Variants in TPH2 observed in about 807,000 individuals in gnomAD.
The protein encoded by TPH2 is tryptophan 5-hydroxylase 2.
Under a neutral mutation model 59.1 loss-of-function variants are expected in TPH2, and 27 were observed. That is an observed-to-expected ratio of 0.46 (90% CI 0.34 to 0.63). TPH2 has a LOEUF of 0.63. Ranked by LOEUF, TPH2 falls within the 30% of genes least tolerant of loss-of-function variation. The probability of loss-of-function intolerance (pLI) is 0.01; values close to 1 mark genes in which losing one functional copy is unlikely to be tolerated. For missense variants in TPH2, 523 were observed against 588.3 expected, an observed-to-expected ratio of 0.89 and a Z score of 1.15; for synonymous variants, 220 against 210.5, an observed-to-expected ratio of 1.05 and a Z score of -0.39.
At chr12:71,980,954 T>A (rs1872259114) in intron 7 of TPH2, among the ~76,000 whole-genome samples, 4 of 152,204 alleles carry the variant, frequency 2.6e-5, no homozygotes. Flanking sequence ...TTTAAAGCAG[T>A]TCACATTCTG....
At chr12:72,022,377 A>G (rs755676607) in intron 8 of TPH2, 22 bp from the exon 9 acceptor site, 91 of 1,587,918 alleles carry the variant, frequency 5.7e-5, no homozygotes, top group Non-Finnish European at 7.4e-5. Context: ...AGTTCACTGA[A>G]TATGTGTTCG....
chr12:72,003,904 A>G (rs532962958), intron 8 of TPH2, among the ~76,000 whole-genome samples: 2 of 152,248 alleles, frequency 1.3e-5, no homozygotes, highest in Non-Finnish European at 2.9e-5. Flanking sequence ...ATAATTGCAG[A>G]TGAGAAACAA....
chr12:71,958,798 A>AT (rs903934505), intron 5 of TPH2, among the ~76,000 whole-genome samples: 1 of 152,152 alleles, frequency 6.6e-6, no homozygotes, highest in Non-Finnish European at 1.5e-5. Flanking sequence ...CTATTTCTTG[A>AT]TTTTTTTATT....
chr12:71,978,835 T>A (rs1872191513), intron 6 of TPH2, 117 bp from the exon 7 acceptor site: 1 of 1,327,946 alleles, frequency 7.5e-7, no homozygotes, highest in Non-Finnish European at 1.1e-6. Flanking sequence ...TGTCAAGAGG[T>A]TTATGACCTT....
At chr12:71,987,732 AT>A (rs1226672931) in intron 7 of TPH2, among the ~76,000 whole-genome samples, 2 of 152,088 alleles carry the variant, frequency 1.3e-5, no homozygotes, top group Non-Finnish European at 2.9e-5. Context: ...GGTGCCTGTA[AT>A]CCCAGCTACT....
Position 72,003,870 on chromosome 12 carries a change from C to T in TPH2, c.1068+9305C>T, listed in dbSNP as rs114042494. On this transcript the variant is annotated intron_variant, in intron 8 of 10. Transcript: ENST00000333850. ...TTTCTTTGTTATTTAGAACTGTATG[C>T]TAGGGCTCTCAGAGAGCCATCATAT... Among the ~76,000 whole-genome samples, 594 of 152,260 alleles carry T rather than the reference C, an allele frequency of 3.9e-3. 6 individuals are homozygous for T. Among genetic ancestry groups the T allele is most frequent in the African/African-American group, 0.014 (568 of 41,552 alleles).
intron 9 of TPH2, among the ~76,000 whole-genome samples, chr12:72,025,726 G>A (rs1185895169): frequency 1.3e-5 from 2 of 152,076 alleles, no homozygotes; most frequent in Non-Finnish European, 2.9e-5. Context: ...CATAACTGTG[G>A]AGAACAATTA....
chr12:71,961,035 T>C (rs1293888293), intron 5 of TPH2, among the ~76,000 whole-genome samples: 3 of 152,186 alleles, frequency 2.0e-5, no homozygotes, highest in Non-Finnish European at 2.9e-5. Flanking sequence ...ATCCTCACGA[T>C]GTGAGAAGTC....
intron 2 of TPH2, among the ~76,000 whole-genome samples, chr12:71,942,407 T>A (rs891143614): frequency 3.9e-5 from 6 of 152,160 alleles, no homozygotes; most frequent in African/African-American, 1.4e-4. Context: ...TCTGTACCCA[T>A]CAGCAAACAC....
At chr12:72,011,615 C>T (rs1434442197) in intron 8 of TPH2, among the ~76,000 whole-genome samples, 4 of 152,228 alleles carry the variant, frequency 2.6e-5, no homozygotes, top group African/African-American at 7.2e-5. Flanking sequence ...CAGTTGGCTA[C>T]AACCTTCAAA....
At chr12:72,017,384 C>T (rs1455423323) in intron 8 of TPH2, among the ~76,000 whole-genome samples, 1 of 152,142 alleles carries the variant, frequency 6.6e-6, no homozygotes, top group Non-Finnish European at 1.5e-5. Flanking sequence ...ATGTAAATGC[C>T]TCTGCTATTC....
At chr12:71,974,244 T>G (rs567795060) in intron 6 of TPH2, among the ~76,000 whole-genome samples, 1 of 152,222 alleles carries the variant, frequency 6.6e-6, no homozygotes, top group East Asian at 1.9e-4. Flanking sequence ...CCATACTCAG[T>G]CCTTCTTTGT....
chr12:72,025,687 G>A (rs1037455008), intron 9 of TPH2, among the ~76,000 whole-genome samples: 2 of 152,164 alleles, frequency 1.3e-5, no homozygotes, highest in South Asian at 2.1e-4. Flanking sequence ...GCCAAAAAGT[G>A]CATTTGGGTG....
At chr12:71,939,921 G>GAATC (rs1286202716) in intron 1 of TPH2, among the ~76,000 whole-genome samples, 1 of 152,130 alleles carries the variant, frequency 6.6e-6, no homozygotes, top group East Asian at 1.9e-4. Flanking sequence ...CTGTATCATA[G>GAATC]AATCATCTGT....
intron 5 of TPH2, chr12:71,962,045 G>T: frequency 9.7e-7 from 1 of 1,026,378 alleles, no homozygotes; most frequent in Non-Finnish European, 1.2e-6. Context: ...GATCGCAAAT[G>T]CTCTTTACCT....
In TPH2 at chr12:71,938,847, A is replaced by G. The variant is rs1395878095; in HGVS notation, c.-140A>G. 11 of 737,936 alleles carry G rather than the reference A, an allele frequency of 1.5e-5. No homozygotes were observed. The highest frequency in any genetic ancestry group is 2.4e-5 in the Non-Finnish European group (10 of 410,684). 45.7% of individuals were successfully genotyped at this position (737,936 alleles called of 1,614,324 possible). On this transcript the variant is annotated 5_prime_UTR_variant, in exon 1 of 11. Coordinates refer to ENST00000333850, the MANE Select transcript of TPH2 (RefSeq NM_173353.4). ...GGAGCCCGGGGATGGGAGGATTCGC[A>G]TTGCTCTTCAGCACCAGGGTTCTGG...
chr12:72,030,868 T>C (rs1566176804), intron 9 of TPH2, among the ~76,000 whole-genome samples: 1 of 152,178 alleles, frequency 6.6e-6, no homozygotes, highest in Non-Finnish European at 1.5e-5. Flanking sequence ...GAAATTTTAG[T>C]ACATTGCTTA....
chr12:71,980,938 A>AT (rs879851075), intron 7 of TPH2, among the ~76,000 whole-genome samples: 3 of 151,856 alleles, frequency 2.0e-5, no homozygotes, highest in East Asian at 1.9e-4. Context: ...TTTAAAAAAA[A>AT]TTTTTTTTAA....
At chr12:71,969,994 AGTAAGCTCTCAAATAT>A (rs1871927662) in intron 5 of TPH2, among the ~76,000 whole-genome samples, 1 of 152,262 alleles carries the variant, frequency 6.6e-6, no homozygotes, top group Non-Finnish European at 1.5e-5. Flanking sequence ...CCTGGCACAT[AGTAAGCTCTCAAATAT>A]CAGCTGTTAC....
Sources: gnomAD v4.1 joint callset for allele counts (sites outside exome capture counted in the v4.1 genomes callset) on GRCh38, gnomAD v4.1.1 for gene constraint, MANE v1.5 for transcripts, NCBI Gene and HGNC (gene_info 2026-07-23, HGNC 2026-07-21) for gene names.